Variants in NEGR1 observed in about 807,000 individuals in gnomAD.
NEGR1 encodes the protein IgLON family member 4.
NEGR1 carries 10 observed loss-of-function variants against 40.9 expected under a neutral mutation model. The ratio of observed to expected loss-of-function variants is 0.24; its 90% CI spans 0.15 to 0.42. The LOEUF is 0.42. NEGR1 is among the 10% of genes least tolerant of loss of function. The pLI is 1.00. For synonymous variants in NEGR1, 185 were observed against 166.8 expected (o/e 1.11, Z -0.84); for missense variants, 352 against 438.9 (o/e 0.80, Z 1.77).
chr1:71,820,415 T>C (rs1658385295), intron 2 of NEGR1, among the ~76,000 whole-genome samples: 1 of 152,014 alleles, frequency 6.6e-6, no homozygotes, highest in Non-Finnish European at 1.5e-5. Flanking sequence ...TGATAATGAT[T>C]CCTCCAGTCC....
chr1:71,761,835 C>G (rs1655953628), intron 3 of NEGR1, among the ~76,000 whole-genome samples: 1 of 151,754 alleles, frequency 6.6e-6, no homozygotes, highest in South Asian at 2.1e-4. Flanking sequence ...AGAAATAAAA[C>G]AATAAAAGAA....
chr1:71,479,266 G>A (rs555791869), intron 6 of NEGR1, among the ~76,000 whole-genome samples: 3 of 151,860 alleles, frequency 2.0e-5, no homozygotes, highest in Middle Eastern at 3.4e-3. Context: ...CTTTTTTGGC[G>A]GCCTGGATTC....
At chr1:72,140,190 T>C (rs1650617522) in intron 1 of NEGR1, among the ~76,000 whole-genome samples, 1 of 151,676 alleles carries the variant, frequency 6.6e-6, no homozygotes, top group African/African-American at 2.4e-5. Context: ...TAATTTCTTT[T>C]CTGACCTGCT....
chr1:72,097,790 T>C (rs1165753039), intron 1 of NEGR1, among the ~76,000 whole-genome samples: 1 of 152,180 alleles, frequency 6.6e-6, no homozygotes. Flanking sequence ...ACATATAATA[T>C]TGGCCTCACG....
chr1:71,776,325 G>C, intron 2 of NEGR1, 28 bp from the exon 3 acceptor site: 1 of 1,440,082 alleles, frequency 6.9e-7, no homozygotes, highest in South Asian at 1.3e-5. Flanking sequence ...GCAGTGATTA[G>C]AAAAAAATAT....
At chr1:71,409,552 C>T (rs1277189998) in intron 6 of NEGR1, among the ~76,000 whole-genome samples, 2 of 152,014 alleles carry the variant, frequency 1.3e-5, no homozygotes, top group African/African-American at 4.8e-5. Flanking sequence ...TCCTCTCATT[C>T]TCCAACAAAC....
intron 6 of NEGR1, among the ~76,000 whole-genome samples, chr1:71,544,997 T>C (rs776605497): frequency 3.3e-5 from 5 of 151,728 alleles, no homozygotes; most frequent in Non-Finnish European, 5.9e-5. Flanking sequence ...TAGCAGCTGA[T>C]TGGCTGCTGG....
At chr1:71,636,642 C>A (rs1336127121) in intron 4 of NEGR1, among the ~76,000 whole-genome samples, 1 of 152,048 alleles carries the variant, frequency 6.6e-6, no homozygotes, top group African/African-American at 2.4e-5. Context: ...TAGTATGCTG[C>A]AGACATTCAG....
chr1:71,628,144 AT>A (rs1341179708), intron 4 of NEGR1, among the ~76,000 whole-genome samples: 2 of 152,000 alleles, frequency 1.3e-5, no homozygotes, highest in Non-Finnish European at 2.9e-5. Context: ...ATTCTGAATT[AT>A]TGTCTCTTCT....
intron 4 of NEGR1, among the ~76,000 whole-genome samples, chr1:71,649,659 C>T (rs1357979590): frequency 1.3e-5 from 2 of 152,080 alleles, no homozygotes; most frequent in African/African-American, 4.8e-5. Context: ...TTATTTTTCT[C>T]TTTATTCTGT....
chr1:71,539,288 T>C (rs1006989736), intron 6 of NEGR1, among the ~76,000 whole-genome samples: 1 of 151,770 alleles, frequency 6.6e-6, no homozygotes, highest in Non-Finnish European at 1.5e-5. Context: ...ATATTTCATC[T>C]TGTAAGTGAC....
At chr1:71,998,679 C>G (rs993538444) in intron 1 of NEGR1, among the ~76,000 whole-genome samples, 6 of 151,644 alleles carry the variant, frequency 4.0e-5, no homozygotes, top group African/African-American at 9.7e-5. Flanking sequence ...CATTCATACA[C>G]ACTTGCATTT....
chr1:72,202,619 C>T (rs1557576462), intron 1 of NEGR1, among the ~76,000 whole-genome samples: 1 of 151,918 alleles, frequency 6.6e-6, no homozygotes, highest in Non-Finnish European at 1.5e-5. Flanking sequence ...CACAGCATTC[C>T]CTTAAACCAA....
intron 2 of NEGR1, among the ~76,000 whole-genome samples, chr1:71,860,183 A>G (rs1036253838): frequency 4.2e-5 from 6 of 141,788 alleles, no homozygotes; most frequent in African/African-American, 1.6e-4. Flanking sequence ...GAGGGCAGTC[A>G]AAATTCTCAT....
chr1:71,456,551 A>T (rs1009575887), intron 6 of NEGR1, among the ~76,000 whole-genome samples: 1 of 152,214 alleles, frequency 6.6e-6, no homozygotes, highest in African/African-American at 2.4e-5. Flanking sequence ...ACTATTTTGA[A>T]AGGCAGGTAA....
chr1:71,782,348 C>G (rs910201695), intron 2 of NEGR1, among the ~76,000 whole-genome samples: 3 of 152,116 alleles, frequency 2.0e-5, no homozygotes, highest in African/African-American at 7.2e-5. Flanking sequence ...TATAAGCCAT[C>G]TAGTTTATGG....
chr1:71,726,102 C>G (rs1654666237), intron 3 of NEGR1, among the ~76,000 whole-genome samples: 1 of 152,144 alleles, frequency 6.6e-6, no homozygotes, highest in Non-Finnish European at 1.5e-5. Flanking sequence ...ATTTAGAAAA[C>G]TTAGACAGTA....
intron 1 of NEGR1, among the ~76,000 whole-genome samples, chr1:72,086,526 C>A (rs947486200): frequency 1.3e-5 from 2 of 152,196 alleles, no homozygotes; most frequent in Non-Finnish European, 2.9e-5. Context: ...AATTTATTCA[C>A]AACATGAATG....
intron 1 of NEGR1, among the ~76,000 whole-genome samples, chr1:72,173,676 C>T (rs575561907): frequency 2.4e-4 from 36 of 152,056 alleles, no homozygotes; most frequent in Admixed American, 1.4e-3. Flanking sequence ...CATGGTGGCT[C>T]ACACATGTAA....
Sources: gnomAD v4.1 joint callset for allele counts (sites outside exome capture counted in the v4.1 genomes callset) on GRCh38, gnomAD v4.1.1 for gene constraint, MANE v1.5 for transcripts, NCBI Gene and HGNC (gene_info 2026-07-23, HGNC 2026-07-21) for gene names.